Variants in TBC1D15 observed in about 807,000 individuals in gnomAD.
The protein encoded by TBC1D15 is GAP for RAB7.
Under a neutral mutation model 95.4 loss-of-function variants are expected in TBC1D15, and 39 were observed. The ratio of observed to expected loss-of-function variants is 0.41; its 90% confidence interval spans 0.32 to 0.53. The LOEUF (loss-of-function observed/expected upper bound fraction) is 0.53. TBC1D15 is among the 20% of genes least tolerant of loss of function. The probability of loss-of-function intolerance (pLI) is 0.29; values close to 1 mark genes in which losing one functional copy is unlikely to be tolerated. For missense variants in TBC1D15, 733 were observed against 794.3 expected, an observed-to-expected ratio of 0.92 and a Z score of 0.93; for synonymous variants, 258 against 261.3, an observed-to-expected ratio of 0.99 and a Z score of 0.12.
At chr12:71,857,299 GAA>G (rs1467392386) in intron 1 of TBC1D15, among the ~76,000 whole-genome samples, 1 of 151,900 alleles carries the variant, frequency 6.6e-6, no homozygotes, top group East Asian at 1.9e-4. Flanking sequence ...CTAGAGTGAA[GAA>G]ATTGAAAGCT....
rs377482606 is a variant in TBC1D15 at position 71,863,175 on chromosome 12, G to A, written c.31-8895G>A. 4.1e-4 allele frequency among the ~76,000 whole-genome samples: 63 copies of A among 152,134 alleles called. No homozygotes were observed. The South Asian group carries it at 0.012, about 30-fold the overall frequency. On this transcript the variant is annotated intron_variant, in intron 1 of 16. Transcript: ENST00000485960. The stretch of plus-strand genomic sequence containing the variant: ...GAGCGGATCACGAGGTCAGGAGATC[G>A]AGACCATCCTGGCTAACATGGTGAA...
chr12:71,858,159 A>G (rs1346195312), intron 1 of TBC1D15, among the ~76,000 whole-genome samples: 1 of 150,732 alleles, frequency 6.6e-6, no homozygotes, highest in East Asian at 2.0e-4. Context: ...CGCAGCCTCC[A>G]TCTCCTGGGT....
intron 5 of TBC1D15, among the ~76,000 whole-genome samples, chr12:71,885,360 A>G (rs527620849): frequency 5.9e-5 from 9 of 152,336 alleles, no homozygotes; most frequent in African/African-American, 2.2e-4. Flanking sequence ...TTAAATATAC[A>G]GTTTTACTTG....
chr12:71,877,224 T>TTA (rs1380470030), intron 3 of TBC1D15, among the ~76,000 whole-genome samples: 1 of 150,946 alleles, frequency 6.6e-6, no homozygotes, highest in Non-Finnish European at 1.5e-5. Context: ...TTTTTTTTTT[T>TTA]AAACCTCTCT....
chr12:71,907,279 C>A, intron 11 of TBC1D15, 141 bp downstream of exon 11: 1 of 516,354 alleles, frequency 1.9e-6, no homozygotes, highest in Non-Finnish European at 3.3e-6. Flanking sequence ...TGGAAACTTA[C>A]AAGGCTATGG....
At chr12:71,906,109 G>T (rs1253931303) in intron 10 of TBC1D15, among the ~76,000 whole-genome samples, 1 of 152,140 alleles carries the variant, frequency 6.6e-6, no homozygotes, top group East Asian at 1.9e-4. Context: ...CTGACCTCAG[G>T]TGATCCACCT....
intron 1 of TBC1D15, 99 bp from the exon 2 acceptor site, chr12:71,871,971 C>T: frequency 8.6e-6 from 4 of 466,414 alleles, no homozygotes; most frequent in Non-Finnish European, 1.5e-5. Flanking sequence ...TAATCAGAAA[C>T]TTGGCCAAGT....
intron 10 of TBC1D15, among the ~76,000 whole-genome samples, chr12:71,902,624 C>A (rs1899667840): frequency 6.6e-6 from 1 of 152,050 alleles, no homozygotes; most frequent in African/African-American, 2.4e-5. Flanking sequence ...CTATAAAGAC[C>A]CTAGAAGAAA....
chr12:71,873,753 C>A (rs1256018886), intron 3 of TBC1D15, among the ~76,000 whole-genome samples: 1 of 152,130 alleles, frequency 6.6e-6, no homozygotes, highest in Non-Finnish European at 1.5e-5. Flanking sequence ...TTTAGTAAAC[C>A]TAGTGGATAT....
At chr12:71,920,998 A>G (rs1869073982) in intron 15 of TBC1D15, 151 bp downstream of exon 15, 1 of 607,882 alleles carries the variant, frequency 1.6e-6, no homozygotes, top group East Asian at 2.9e-5. Context: ...TGAGAATGAC[A>G]GTTCAAATAC....
At chr12:71,849,524 C>A in intron 1 of TBC1D15, 1 of 741,512 alleles carries the variant, frequency 1.3e-6, no homozygotes, top group South Asian at 1.4e-5. Flanking sequence ...TTCTTATGGT[C>A]AGCTGTAGAT....
chr12:71,912,588 A>T (rs1902660102), intron 11 of TBC1D15, among the ~76,000 whole-genome samples: 2 of 152,134 alleles, frequency 1.3e-5, no homozygotes, highest in African/African-American at 2.4e-5. Flanking sequence ...GCTTTCTGAG[A>T]TCATTTTTTA....
intron 5 of TBC1D15, among the ~76,000 whole-genome samples, chr12:71,891,058 A>T (rs1232704241): frequency 6.6e-6 from 1 of 152,046 alleles, no homozygotes; most frequent in East Asian, 1.9e-4. Flanking sequence ...TAGGTTCTAG[A>T]TGTAAAATTT....
rs1007323871 is a variant in TBC1D15, at chr12:71,893,409, A to G, written c.657+85A>G. ...TTCTCATCTTCTCAGAGAGTATGCAAAATGAGACAGGTACATATATATACA... is the reference window on the plus strand; with the variant it reads ...TTCTCATCTTCTCAGAGAGTATGCAGAATGAGACAGGTACATATATATACA... On this transcript the variant is annotated intron_variant, in intron 6 of 16. Transcript: ENST00000485960. 1.5e-5 allele frequency: 12 copies of G among 819,288 alleles called. No individual in the cohort carries two copies. The African/African-American group carries it at 1.9e-4, about 13-fold the overall frequency. The allele number at this position is 819,288 out of a possible 1,614,324, so 50.8% of individuals were successfully genotyped here.
chr12:71,901,888 A>G (rs1289580293), intron 10 of TBC1D15, among the ~76,000 whole-genome samples: 1 of 152,232 alleles, frequency 6.6e-6, no homozygotes, highest in Admixed American at 6.5e-5. Context: ...CAACTTCAGT[A>G]AAGTTTCAGT....
At position 71,879,121 on chromosome 12, in the gene TBC1D15, G is replaced by C. The variant is rs543382586; in HGVS notation, c.205-1348G>C. On this transcript the variant is annotated intron_variant, in intron 3 of 16. Coordinates refer to ENST00000485960, the MANE Select transcript of TBC1D15 (RefSeq NM_001146213.3). ...TTGACTAGAGTCTTTTCCCTTACCT[G>C]TCTCTCTCTCTCTCTTTTTTTTTTT... is the stretch of plus-strand genomic sequence containing the variant. Among the ~76,000 whole-genome samples the C allele has an allele frequency of 2.0e-5, 3 of 150,104 alleles. No homozygotes were observed. In the East Asian group the frequency reaches 5.9e-4, roughly 29 times the overall value.
intron 5 of TBC1D15, among the ~76,000 whole-genome samples, chr12:71,890,459 G>C (rs958279957): frequency 6.6e-6 from 1 of 152,046 alleles, no homozygotes; most frequent in African/African-American, 2.4e-5. Context: ...TTTTGATTAA[G>C]TTAAATTGAG....
rs1415478278 is a variant in TBC1D15 at position 71,897,959 on chromosome 12, A to G, written c.1183+18A>G. On this transcript the variant is annotated intron_variant, in intron 10 of 16. Coordinates refer to ENST00000485960, the MANE Select transcript of TBC1D15 (RefSeq NM_001146213.3). ...TCTTATCGGTAATTTTTTCTTAACA[A>G]CTTTGGAAATGCAAGGGGGGATTAC... 1 of 1,582,154 alleles carries G rather than the reference A, an allele frequency of 6.3e-7. No individual in the cohort carries two copies. Among genetic ancestry groups the G allele is most frequent in the Non-Finnish European group, 8.7e-7 (1 of 1,152,070 alleles).
chr12:71,884,060 G>C (rs142437799), intron 4 of TBC1D15, among the ~76,000 whole-genome samples: 1 of 152,050 alleles, frequency 6.6e-6, no homozygotes, highest in Non-Finnish European at 1.5e-5. Context: ...AGTTAATTTA[G>C]CAATTGAATG....
Sources: allele counts gnomAD v4.1 joint callset (sites outside exome capture counted in the v4.1 genomes callset), GRCh38; gene constraint gnomAD v4.1.1; transcripts MANE v1.5; gene names NCBI Gene and HGNC (gene_info 2026-07-23, HGNC 2026-07-21).